The following TCHP variants were observed in gnomAD, a reference collection of about 807,000 sequenced individuals.
The protein encoded by TCHP is trichoplein keratin filament binding, also known as trichoplein keratin filament-binding protein.
TCHP carries 81 observed loss-of-function variants against 88.7 expected under a neutral mutation model. That is an observed-to-expected ratio of 0.91 (90% confidence interval 0.76 to 1.10). TCHP has a LOEUF of 1.10. TCHP is among the 50% of genes least tolerant of loss of function. The pLI is 0.00. For synonymous variants in TCHP, 232 were observed against 232.5 expected (o/e 1.00, Z 0.02); for missense variants, 641 against 632.1 (o/e 1.01, Z -0.15).
intron 3 of TCHP, 106 bp from the exon 4 acceptor site, chr12:109,904,631 G>A: frequency 1.1e-6 from 1 of 939,514 alleles, no homozygotes; most frequent in Admixed American, 2.1e-5. Context: ...GTGACGGTGT[G>A]AAGGGAGGCA....
At chr12:109,888,233 G>A in the TCHP span, 1 of 152,286 alleles carries the variant, frequency 6.6e-6, no homozygotes, top group South Asian at 2.1e-4. Flanking sequence ...GAAGGAAAAG[G>A]GGAAGAGCCA....
At chr12:109,894,791 CTTTGTT>C in the TCHP span, among the ~76,000 whole-genome samples, 4 of 130,238 alleles carry the variant, frequency 3.1e-5, no homozygotes, top group African/African-American at 1.2e-4. Flanking sequence ...AAAAAAAAGA[CTTTGTT>C]GGAGTCCAGG....
At chr12:109,907,810 C>A in intron 6 of TCHP, 111 bp downstream of exon 6, 1 of 1,233,066 alleles carries the variant, frequency 8.1e-7, no homozygotes, top group Non-Finnish European at 1.1e-6. Flanking sequence ...TGAGATTCTG[C>A]AAAGGGCGGC....
chr12:109,916,464 A>AT, intron 12 of TCHP, 127 bp from the exon 13 acceptor site: 2 of 1,072,972 alleles, frequency 1.9e-6, no homozygotes, highest in Non-Finnish European at 2.7e-6. Flanking sequence ...TTAGGGTCAG[A>AT]TTTTTTCAGC....
chr12:109,915,252 A>G lies in TCHP; in HGVS notation c.1321-151A>G, dbSNP rs1870741930. 31 of 1,032,580 alleles carry G rather than the reference A, an allele frequency of 3.0e-5. 2 individuals are homozygous for G. In the South Asian group the frequency reaches 3.4e-4, roughly 11 times the overall value. 64.0% of individuals were successfully genotyped at this position (1,032,580 alleles called of 1,614,324 possible). A position where few individuals can be genotyped will look rare whatever the true frequency, so the allele number is the denominator to read the frequency against. On this transcript the variant is annotated intron_variant, in intron 11 of 12. Transcript: ENST00000405876. ...ATGCATACAGCCTTTCAAGTCCCGCATGCTCCCTTCCGTTCCTTGGCACGT... is the reference window on the plus strand; with the variant it reads ...ATGCATACAGCCTTTCAAGTCCCGCGTGCTCCCTTCCGTTCCTTGGCACGT...
rs1174719372 is a variant in TCHP at position 109,915,592 on chromosome 12, C to G, written c.1464+46C>G. ...TAGGCCAACACCGGCAAGACAGACT[C>G]TGCCCGGCCCCTGCTCCCCTGGGCC... On this transcript the variant is annotated intron_variant, in intron 12 of 12. Coordinates refer to ENST00000405876, the MANE Select transcript of TCHP (RefSeq NM_001143852.2). 1.9e-6 allele frequency: 3 copies of G among 1,562,036 alleles called. No homozygotes were observed. The Admixed American group carries it at 5.5e-5, about 28-fold the overall frequency.
At chr12:109,908,430 G>A (rs887201175) in intron 6 of TCHP, among the ~76,000 whole-genome samples, 156 bp from the exon 7 acceptor site, 1 of 152,228 alleles carries the variant, frequency 6.6e-6, no homozygotes, top group Non-Finnish European at 1.5e-5. Flanking sequence ...AGAGGGGATT[G>A]GATGAGTAAG....
intron 4 of TCHP, 56 bp from the exon 5 acceptor site, chr12:109,906,516 C>A: frequency 6.4e-7 from 1 of 1,561,860 alleles, no homozygotes; most frequent in Non-Finnish European, 8.8e-7. Context: ...CACACTGTCC[C>A]CACAGTGCCC....
At chr12:109,909,207 A>G (rs1465786471) in intron 8 of TCHP, among the ~76,000 whole-genome samples, 1 of 152,210 alleles carries the variant, frequency 6.6e-6, no homozygotes, top group Non-Finnish European at 1.5e-5. Flanking sequence ...ACCAACTGTG[A>G]GGTGATGGAT....
intron 5 of TCHP, 71 bp from the exon 6 acceptor site, chr12:109,907,455 G>A (rs376209419): frequency 3.3e-4 from 505 of 1,515,164 alleles, no homozygotes; most frequent in South Asian, 7.3e-4. Flanking sequence ...CCTGCAGAAC[G>A]GCGGCAGGAA....
Position 109,908,615 on chromosome 12 carries a change from T to A in TCHP, c.729T>A (p.Asn243Lys). 1 of 1,602,462 alleles carries A rather than the reference T, an allele frequency of 6.2e-7. No individual in the cohort carries two copies. The highest frequency in any genetic ancestry group is 8.5e-7 in the Non-Finnish European group (1 of 1,175,904). ...CCAAACTAAAGAAGGAGCAGGAGAATCTGTTGAAGCAGCGGTGGGAGCTAG... is the reference window on the plus strand; with the variant it reads ...CCAAACTAAAGAAGGAGCAGGAGAAACTGTTGAAGCAGCGGTGGGAGCTAG... Reference protein sequence around the residue: ...EATKLKKEQENLLKQRWELER... With the variant: ...EATKLKKEQEKLLKQRWELER... The change falls in exon 7 of 13, where the codon AAT becomes AAA. Residue 243 changes from asparagine (N) to lysine (K), a missense_variant. By Grantham distance (94) the Asn-to-Lys change is moderately conservative. Transcript: ENST00000405876.
chr12:109,892,064 G>A, the TCHP span, among the ~76,000 whole-genome samples: 2 of 152,108 alleles, frequency 1.3e-5, no homozygotes, highest in Admixed American at 6.6e-5. Flanking sequence ...GCGCATGCCT[G>A]TAGTCCCAGC....
At chr12:109,891,505 T>C in the TCHP span, among the ~76,000 whole-genome samples, 1 of 151,584 alleles carries the variant, frequency 6.6e-6, no homozygotes, top group African/African-American at 2.4e-5. Flanking sequence ...GCAATTCTCC[T>C]GCCTCAGCCT....
the TCHP span, among the ~76,000 whole-genome samples, chr12:109,882,496 C>CT: frequency 1.3e-5 from 2 of 148,722 alleles, no homozygotes; most frequent in African/African-American, 4.9e-5. Flanking sequence ...TAACAAAGAG[C>CT]TTAGTGTGGT....
intron 8 of TCHP, among the ~76,000 whole-genome samples, chr12:109,910,711 T>C (rs1870433705): frequency 6.6e-6 from 1 of 152,182 alleles, no homozygotes; most frequent in Admixed American, 6.5e-5. Context: ...CTGCAACGAG[T>C]GTTTTGCACT....
At chr12:109,902,913 T>C (rs373618491) in intron 1 of TCHP, 114 bp from the exon 2 acceptor site, 2 of 715,502 alleles carry the variant, frequency 2.8e-6, no homozygotes. Flanking sequence ...GTTCCACCAG[T>C]TGATTTCACT....
chr12:109,904,690 G>A (rs1320599952), intron 3 of TCHP, 47 bp from the exon 4 acceptor site: 1 of 1,584,708 alleles, frequency 6.3e-7, no homozygotes, highest in Non-Finnish European at 8.6e-7. Flanking sequence ...AATGTGAATG[G>A]ATTTGAAAAA....
chr12:109,914,991 G>A (rs1162315425), intron 11 of TCHP: 17 of 396,662 alleles, frequency 4.3e-5, no homozygotes, highest in African/African-American at 4.1e-5. Context: ...TACACGCCAC[G>A]CATATGTATA....
chr12:109,895,406 T>TG (rs1309039089), upstream of TCHP, among the ~76,000 whole-genome samples: 14 of 151,214 alleles, frequency 9.3e-5, no homozygotes, highest in Admixed American at 1.3e-4. Flanking sequence ...GGAGATGGGG[T>TG]GGGGGGTCTC....
Sources: gnomAD v4.1 joint callset for allele counts (sites outside exome capture counted in the v4.1 genomes callset) on GRCh38, gnomAD v4.1.1 for gene constraint, MANE v1.5 for transcripts, NCBI Gene and HGNC (gene_info 2026-07-23, HGNC 2026-07-21) for gene names.